ADAMTS12: variants seen among roughly 807,000 people sequenced by gnomAD.
The protein encoded by ADAMTS12 is A disintegrin and metalloproteinase with thrombospondin motifs 12.
A neutral mutation model predicts 167.8 loss-of-function variants in ADAMTS12; 118 were observed. The ratio of observed to expected loss-of-function variants is 0.70; its 90% confidence interval spans 0.61 to 0.82. The LOEUF is 0.82. Among genes scored for constraint, ADAMTS12 ranks in the 40% least tolerant of loss-of-function variants. ADAMTS12 has a pLI of 0.00. For synonymous variants in ADAMTS12, 704 were observed against 716.9 expected, an observed-to-expected ratio of 0.98 and a Z score of 0.29; for missense variants, 1,916 against 1,998.8, an observed-to-expected ratio of 0.96 and a Z score of 0.79.
chr5:33,542,125 A>T (rs1278050926), intron 22 of ADAMTS12, among the ~76,000 whole-genome samples: 1 of 152,154 alleles, frequency 6.6e-6, no homozygotes, highest in African/African-American at 2.4e-5. Context: ...TAGGCTCAAA[A>T]AAAAAGGGAT....
intron 2 of ADAMTS12, among the ~76,000 whole-genome samples, chr5:33,790,043 AC>A (rs1488443741): frequency 6.6e-6 from 1 of 152,216 alleles, no homozygotes; most frequent in Non-Finnish European, 1.5e-5. Flanking sequence ...AGGTTATAGA[AC>A]AATTCCTGGG....
chr5:33,850,943 C>T (rs1749198033), intron 2 of ADAMTS12, among the ~76,000 whole-genome samples: 2 of 152,282 alleles, frequency 1.3e-5, no homozygotes, highest in Admixed American at 6.5e-5. Flanking sequence ...GCCTTCATTT[C>T]CCAGAAAAAG....
intron 16 of ADAMTS12, among the ~76,000 whole-genome samples, chr5:33,598,223 C>T (rs10060471): frequency 0.49 from 75,031 of 151,796 alleles, 18,903 homozygotes; most frequent in South Asian, 0.62. Context: ...TATGCTACAG[C>T]CCTTGTATGT....
intron 2 of ADAMTS12, among the ~76,000 whole-genome samples, chr5:33,874,202 T>A (rs1750142105): frequency 6.6e-6 from 1 of 152,168 alleles, no homozygotes; most frequent in Non-Finnish European, 1.5e-5. Context: ...TGTCAAAATT[T>A]ACAAAGAACT....
intron 3 of ADAMTS12, among the ~76,000 whole-genome samples, chr5:33,707,585 G>A (rs1172469728): frequency 6.6e-6 from 1 of 152,114 alleles, no homozygotes; most frequent in Non-Finnish European, 1.5e-5. Context: ...AAACAGCATG[G>A]CACTGGTACC....
chr5:33,544,225 AAC>A (rs1169746261), intron 22 of ADAMTS12, among the ~76,000 whole-genome samples: 1 of 152,206 alleles, frequency 6.6e-6, no homozygotes, highest in Non-Finnish European at 1.5e-5. Flanking sequence ...ATAACAGACA[AAC>A]ACAGGCCAAA....
chr5:33,621,490 A>T (rs1478931270), intron 14 of ADAMTS12, among the ~76,000 whole-genome samples: 1 of 152,040 alleles, frequency 6.6e-6, no homozygotes, highest in Non-Finnish European at 1.5e-5. Context: ...AAGAGACATC[A>T]TACATTATTG....
At position 33,861,711 on chromosome 5, in the gene ADAMTS12, T is replaced by C. The variant is rs12517808; in HGVS notation, c.489+19408A>G. ...CATCTACAGAACTCTCCACCCCAAA[T>C]CAACAGAATACACATTCTTCTTAGC... On this transcript the variant is annotated intron_variant, in intron 2 of 23. Transcript: ENST00000504830. 2.5e-3 allele frequency among the ~76,000 whole-genome samples: 375 copies of C among 152,276 alleles called. 12 individuals carry two copies. Among genetic ancestry groups the C allele is most frequent in the Admixed American group, 0.022 (339 of 15,294 alleles).
Position 33,648,867 on chromosome 5 carries a change from G to A in ADAMTS12, c.1434C>T (p.Cys478=). The A allele has an allele frequency of 6.2e-7, 1 of 1,614,002 alleles. No individual in the cohort carries two copies. The highest frequency in any genetic ancestry group is 8.5e-7 in the Non-Finnish European group (1 of 1,179,974). The change falls in exon 9 of 24, where the codon TGC becomes TGT. Residue 478 remains cysteine (C), a synonymous_variant. Coordinates refer to ENST00000504830, the MANE Select transcript of ADAMTS12 (RefSeq NM_030955.4). ...PGVIYDVHHQ[C]QLQYGPNATF... is the part of the protein sequence containing the mutation. ...TAGCATTGGGTCCATATTGTAGCTG[G>A]CACTGGTGGTGAACATCATAGATCA...
At chr5:33,567,580 T>G (rs1296054250) in intron 19 of ADAMTS12, among the ~76,000 whole-genome samples, 1 of 152,194 alleles carries the variant, frequency 6.6e-6, no homozygotes, top group East Asian at 1.9e-4. Context: ...GAAGCACAAG[T>G]AGCTGGACTG....
chr5:33,695,619 A>G (rs1319164271), intron 3 of ADAMTS12, among the ~76,000 whole-genome samples: 1 of 152,218 alleles, frequency 6.6e-6, no homozygotes, highest in African/African-American at 2.4e-5. Context: ...GTATGATTCC[A>G]TTTACATGAG....
intron 7 of ADAMTS12, among the ~76,000 whole-genome samples, chr5:33,655,615 T>TTAGTTTAATTTAATTTAATTTAATTTAA (rs35899419): frequency 1.4e-5 from 2 of 144,666 alleles, no homozygotes; most frequent in South Asian, 2.4e-4. Context: ...ACTTTTTTTT[T>TTAGTTTAATTTAATTTAATTTAATTTAA]TTTAGTTTTA....
chr5:33,868,874 C>T (rs749767650), intron 2 of ADAMTS12, among the ~76,000 whole-genome samples: 33 of 152,104 alleles, frequency 2.2e-4, no homozygotes, highest in Non-Finnish European at 2.2e-4. Context: ...CCCAGAGAAG[C>T]CAAAATATTG....
At chr5:33,574,473 CATT>C (rs1414934906) in intron 19 of ADAMTS12, among the ~76,000 whole-genome samples, 1 of 151,554 alleles carries the variant, frequency 6.6e-6, no homozygotes, top group Non-Finnish European at 1.5e-5. Flanking sequence ...TGGAAATCAT[CATT>C]ATCAGTAAAC....
chr5:33,573,239 G>GA (rs1283411887), intron 19 of ADAMTS12, among the ~76,000 whole-genome samples: 12 of 145,588 alleles, frequency 8.2e-5, no homozygotes, highest in South Asian at 4.5e-4. Context: ...CACAGAATTG[G>GA]AAAAAACTAC....
chr5:33,573,000 T>C lies in ADAMTS12; in HGVS notation c.3972+3054A>G, dbSNP rs1746472877. 4.0e-5 allele frequency among the ~76,000 whole-genome samples: 6 copies of C among 151,526 alleles called. No individual in the cohort carries two copies. In the South Asian group the frequency reaches 1.3e-3, roughly 32 times the overall value. On this transcript the variant is annotated intron_variant, in intron 19 of 23. Transcript: ENST00000504830. ...ATCATGAGTGAACTCCCATTCACAATTGCTTCAAAGAGAATAAAATACTTA... is the reference window on the plus strand; with the variant it reads ...ATCATGAGTGAACTCCCATTCACAACTGCTTCAAAGAGAATAAAATACTTA...
chr5:33,797,651 A>G (rs544981355), intron 2 of ADAMTS12, among the ~76,000 whole-genome samples: 1 of 152,310 alleles, frequency 6.6e-6, no homozygotes, highest in South Asian at 2.1e-4. Flanking sequence ...TCCTTATAAA[A>G]TATGATAAAT....
chr5:33,849,631 T>TAC (rs1300230512), intron 2 of ADAMTS12, among the ~76,000 whole-genome samples: 4 of 142,088 alleles, frequency 2.8e-5, no homozygotes, highest in Admixed American at 1.4e-4. Flanking sequence ...TGCATAGCAA[T>TAC]ATATATGTAT....
At chr5:33,608,448 C>T (rs991595358) in intron 16 of ADAMTS12, among the ~76,000 whole-genome samples, 2 of 152,060 alleles carry the variant, frequency 1.3e-5, no homozygotes, top group Non-Finnish European at 2.9e-5. Flanking sequence ...GATGTGCTTA[C>T]AAAACTGGAT....
Sources: gnomAD v4.1 joint callset for allele counts (sites outside exome capture counted in the v4.1 genomes callset) on GRCh38, gnomAD v4.1.1 for gene constraint, MANE v1.5 for transcripts, NCBI Gene and HGNC (gene_info 2026-07-23, HGNC 2026-07-21) for gene names.